The following GAP43 variants were observed in gnomAD, a reference collection of about 807,000 sequenced individuals.
The protein encoded by GAP43 is neuromodulin.
Under a neutral mutation model 18.6 loss-of-function variants are expected in GAP43, and 6 were observed. The ratio of observed to expected loss-of-function variants is 0.32; its 90% CI spans 0.18 to 0.64. The LOEUF is 0.64. GAP43 is among the 30% of genes least tolerant of loss of function. GAP43 has a pLI of 0.78. For missense variants in GAP43, 292 were observed against 295.5 expected (o/e 0.99, Z 0.09); for synonymous variants, 115 against 111.4 (o/e 1.03, Z -0.20).
At chr3:115,693,315 A>G (rs1709139121) in intron 2 of GAP43, among the ~76,000 whole-genome samples, 1 of 152,132 alleles carries the variant, frequency 6.6e-6, no homozygotes, top group Non-Finnish European at 1.5e-5. Context: ...GCTAATTTTT[A>G]AAAGTAGTCC....
At chr3:115,673,286 G>T (rs1202116311) in intron 1 of GAP43, among the ~76,000 whole-genome samples, 1 of 152,130 alleles carries the variant, frequency 6.6e-6, no homozygotes, top group Non-Finnish European at 1.5e-5. Context: ...CTTTATCCTT[G>T]TAGTTTCTTT....
At chr3:115,710,174 C>A (rs957924957) in intron 2 of GAP43, among the ~76,000 whole-genome samples, 4 of 151,926 alleles carry the variant, frequency 2.6e-5, no homozygotes, top group African/African-American at 7.3e-5. Flanking sequence ...CTTATGGTTA[C>A]CATAGAAATT....
At chr3:115,664,417 T>C (rs1309932379) in intron 1 of GAP43, among the ~76,000 whole-genome samples, 1 of 152,180 alleles carries the variant, frequency 6.6e-6, no homozygotes, top group Admixed American at 6.5e-5. Context: ...ATTTGTATTG[T>C]CTTCTTCCAG....
intron 2 of GAP43, among the ~76,000 whole-genome samples, chr3:115,699,875 G>A (rs1392373562): frequency 1.3e-5 from 2 of 152,176 alleles, no homozygotes; most frequent in Non-Finnish European, 2.9e-5. Context: ...GCACTGGGTT[G>A]AGGTAAAATT....
intron 1 of GAP43, among the ~76,000 whole-genome samples, chr3:115,624,768 C>G (rs1708164660): frequency 6.6e-6 from 1 of 152,028 alleles, no homozygotes. Flanking sequence ...AGCAACCGAC[C>G]ATGCCATGGC....
intron 2 of GAP43, among the ~76,000 whole-genome samples, chr3:115,720,486 G>A (rs772069667): frequency 6.6e-6 from 1 of 152,142 alleles, no homozygotes; most frequent in Non-Finnish European, 1.5e-5. Context: ...TGAAGATCCT[G>A]TATGTGGATA....
intron 1 of GAP43, among the ~76,000 whole-genome samples, chr3:115,662,504 C>G (rs574827349): frequency 6.6e-6 from 1 of 152,250 alleles, no homozygotes; most frequent in African/African-American, 2.4e-5. Flanking sequence ...AAATTGCAAA[C>G]CACAGAGAGA....
chr3:115,699,978 G>A (rs963178652), intron 2 of GAP43, among the ~76,000 whole-genome samples: 2 of 152,118 alleles, frequency 1.3e-5, no homozygotes, highest in African/African-American at 4.8e-5. Flanking sequence ...AGGAAACTAT[G>A]CAGTGGGATA....
At chr3:115,688,178 A>T (rs1213653998) in intron 2 of GAP43, among the ~76,000 whole-genome samples, 1 of 151,900 alleles carries the variant, frequency 6.6e-6, no homozygotes, top group Non-Finnish European at 1.5e-5. Flanking sequence ...CACCATGCCC[A>T]GCTAATTTTT....
intron 2 of GAP43, among the ~76,000 whole-genome samples, chr3:115,682,842 CT>C (rs1027874760): frequency 3.9e-5 from 6 of 152,134 alleles, no homozygotes; most frequent in African/African-American, 1.4e-4. Context: ...TTTATTAACT[CT>C]TTAGTTAAAA....
chr3:115,647,738 A>C (rs927869252), intron 1 of GAP43, among the ~76,000 whole-genome samples: 1 of 104,876 alleles, frequency 9.5e-6, no homozygotes, highest in African/African-American at 3.1e-5. Flanking sequence ...CAAAAACAAA[A>C]ACAAAACAAA....
At chr3:115,679,339 A>T (rs553544147) in intron 2 of GAP43, among the ~76,000 whole-genome samples, 1 of 152,226 alleles carries the variant, frequency 6.6e-6, no homozygotes, top group East Asian at 1.9e-4. Context: ...TACTTCTTTT[A>T]CTATTTACTA....
chr3:115,715,242 A>G (rs1326525189), intron 2 of GAP43, among the ~76,000 whole-genome samples: 1 of 151,982 alleles, frequency 6.6e-6, no homozygotes, highest in African/African-American at 2.4e-5. Flanking sequence ...ACAAAATAAC[A>G]GTACTAATAT....
Position 115,676,539 on chromosome 3 carries a change from A to T in GAP43, c.557A>T (p.Asp186Val). The T allele has an allele frequency of 6.2e-7, 1 of 1,613,524 alleles. No individual in the cohort carries two copies. The highest frequency in any genetic ancestry group is 2.2e-5 in the East Asian group (1 of 44,872). ...GCTGCCACCACCCCTGCCGCAGAGG[A>T]TGCTGCTGCCAAGGCAACAGCCCAG... ...AAAATTPAAE[D>V]AAAKATAQPP... The change falls in exon 2 of 3, where the codon GAT becomes GTT. Residue 186 changes from aspartate to valine, a missense_variant. Coordinates refer to ENST00000305124, the MANE Select transcript of GAP43 (RefSeq NM_002045.4).
intron 2 of GAP43, among the ~76,000 whole-genome samples, chr3:115,699,569 T>C (rs1184500917): frequency 6.6e-6 from 1 of 152,188 alleles, no homozygotes; most frequent in Non-Finnish European, 1.5e-5. Context: ...CCATTTCCTT[T>C]TTATTTACAG....
intron 1 of GAP43, among the ~76,000 whole-genome samples, chr3:115,632,541 T>C (rs1339155768): frequency 1.3e-5 from 2 of 152,158 alleles, no homozygotes; most frequent in African/African-American, 4.8e-5. Flanking sequence ...ATTACCACTT[T>C]AAAACAACAA....
At chr3:115,639,512 A>T (rs1424692969) in intron 1 of GAP43, among the ~76,000 whole-genome samples, 1 of 152,038 alleles carries the variant, frequency 6.6e-6, no homozygotes, top group Admixed American at 6.6e-5. Context: ...GAGGTTTCAG[A>T]TCTTCCCCTT....
At chr3:115,703,127 G>A (rs1406451611) in intron 2 of GAP43, among the ~76,000 whole-genome samples, 4 of 152,030 alleles carry the variant, frequency 2.6e-5, no homozygotes, top group Non-Finnish European at 5.9e-5. Context: ...ATGAGAAAAG[G>A]CCTTAGGATT....
chr3:115,638,711 C>G (rs761010319), intron 1 of GAP43, among the ~76,000 whole-genome samples: 83 of 151,902 alleles, frequency 5.5e-4, no homozygotes, highest in Non-Finnish European at 8.7e-4. Flanking sequence ...AAACACTGTT[C>G]CTTTTGTCTG....
Sources: gnomAD v4.1 joint callset for allele counts (sites outside exome capture counted in the v4.1 genomes callset) on GRCh38, gnomAD v4.1.1 for gene constraint, MANE v1.5 for transcripts, NCBI Gene and HGNC (gene_info 2026-07-23, HGNC 2026-07-21) for gene names.